IFNA6: variants seen among roughly 807,000 people sequenced by gnomAD.
IFNA6 encodes the protein interferon alpha 6, also known as interferon alpha-6.
For missense variants in IFNA6, 235 were observed against 212.4 expected (o/e 1.11, Z -0.66); for synonymous variants, 96 against 79.2 (o/e 1.21, Z -1.13).
chr9:21,350,501 C>A (rs771878044), exon 1 of IFNA6: 1 of 1,613,914 alleles, frequency 6.2e-7, no homozygotes, highest in African/African-American at 1.3e-5. Flanking sequence ...GAGTCCCTCC[C>A]ACCCACACCT....
Position 21,350,804 on chromosome 9 carries a change from C to T in IFNA6, c.84G>A (p.Gln28=), listed in dbSNP as rs114283047. 1,048 of 1,613,934 alleles carry T rather than the reference C, an allele frequency of 6.5e-4. 10 individuals carry two copies. In the African/African-American group the frequency reaches 0.013, roughly 19 times the overall value. ...TCCTCCTGTGACCCAGGCTGTGGGT[C>T]TGAGGCAGATCACAGTCCAGAGAGC... is the stretch of plus-strand genomic sequence containing the variant. Residue 28 remains glutamine, a synonymous_variant, in exon 1 of 1, where the codon CAG becomes CAA. Coordinates refer to ENST00000380210, the Ensembl canonical transcript of IFNA6.
chr9:21,350,700 T>C, exon 1 of IFNA6: 1 of 1,614,036 alleles, frequency 6.2e-7, no homozygotes, highest in Non-Finnish European at 8.5e-7. Flanking sequence ...AAACTCCTCC[T>C]GGGGAAATCT....
exon 1 of IFNA6, chr9:21,350,509 C>A (rs2133043256): frequency 6.2e-7 from 1 of 1,614,048 alleles, no homozygotes; most frequent in Non-Finnish European, 8.5e-7. Flanking sequence ...CCCACCCACA[C>A]CTCCTGCATC....
At position 21,350,682 on chromosome 9, in the gene IFNA6, T is replaced by C. The variant is rs1252440597; in HGVS notation, c.206A>G (p.Asn69Ser). 1.2e-6 allele frequency: 2 copies of C among 1,613,892 alleles called. No homozygotes were observed. Among genetic ancestry groups the C allele is most frequent in the Admixed American group, 1.7e-5 (1 of 59,948 alleles). The change falls in exon 1 of 1, where the codon AAC becomes AGC. Residue 69 changes from asparagine to serine, a missense_variant. Coordinates refer to ENST00000380210, the Ensembl canonical transcript of IFNA6. Reference sequence around the variant, plus strand: ...GATGGCTTCAGCCTTCTGGAACTGGTTGCCATCAAACTCCTCCTGGGGAAA... The same window carrying C: ...GATGGCTTCAGCCTTCTGGAACTGGCTGCCATCAAACTCCTCCTGGGGAAA...
exon 1 of IFNA6, chr9:21,350,825 A>G (rs1820444536): frequency 6.2e-7 from 1 of 1,613,964 alleles, no homozygotes; most frequent in Non-Finnish European, 8.5e-7. Context: ...CACAGTCCAG[A>G]GAGCAGCTTG....
exon 1 of IFNA6, chr9:21,350,468 G>A (rs1448130700): frequency 6.2e-7 from 1 of 1,614,042 alleles, no homozygotes; most frequent in African/African-American, 1.3e-5. Context: ...TCACAGCCAG[G>A]ATGGAGTCCT....
exon 1 of IFNA6, chr9:21,350,819 G>A (rs773621151): frequency 6.2e-7 from 1 of 1,613,862 alleles, no homozygotes; most frequent in African/African-American, 1.3e-5. Context: ...GCAGATCACA[G>A]TCCAGAGAGC....
Position 21,350,635 on chromosome 9 carries a change from G to T in IFNA6, c.253C>A (p.Gln85Lys), listed in dbSNP as rs112773436. ...GTGCTGAAGAGGTTGAAGGTCTGCT[G>T]AATCACCTCATGGAGGACAGAGATG... is the stretch of plus-strand genomic sequence containing the variant. Residue 85 changes from glutamine (Q) to lysine (K), a missense_variant, in exon 1 of 1, where the codon CAG (glutamine) becomes AAG (lysine). By Grantham distance (53) the Gln-to-Lys change is moderately conservative (BLOSUM62 1). Transcript: ENST00000380210. 1 of 1,614,014 alleles carries T rather than the reference G, an allele frequency of 6.2e-7. No individual in the cohort carries two copies. The highest frequency in any genetic ancestry group is 8.5e-7 in the Non-Finnish European group (1 of 1,179,946).
exon 1 of IFNA6, chr9:21,350,401 C>A (rs747286229): frequency 1.9e-6 from 3 of 1,613,970 alleles, no homozygotes; most frequent in Non-Finnish European, 2.5e-6. Context: ...ACCTCCCAGG[C>A]ACAAGGGCTG....
chr9:21,350,504 C>G, exon 1 of IFNA6: 6 of 1,614,000 alleles, frequency 3.7e-6, no homozygotes, highest in Non-Finnish European at 5.1e-6. Flanking sequence ...TCCCTCCCAC[C>G]CACACCTCCT....
In IFNA6 at chr9:21,350,626, A is replaced by G. The variant is rs369385528; in HGVS notation, c.262T>C (p.Phe88Leu). 5.6e-6 allele frequency: 9 copies of G among 1,613,878 alleles called. No individual in the cohort carries two copies. In the African/African-American group the frequency reaches 1.2e-4, roughly 22 times the overall value. ...GAGTCCTTTGTGCTGAAGAGGTTGA[A>G]GGTCTGCTGAATCACCTCATGGAGG... Residue 88 changes from phenylalanine (F) to leucine (L), a missense_variant, in exon 1 of 1, where the codon TTC (phenylalanine) becomes CTC (leucine). Physicochemically the swap from Phe to Leu is conservative, Grantham distance 22 (BLOSUM62 0). Transcript: ENST00000380210.
chr9:21,350,542 G>A lies in IFNA6; in HGVS notation c.346C>T (p.Leu116=), dbSNP rs531897763. The A allele has an allele frequency of 4.1e-5, 66 of 1,613,992 alleles. 1 individual carries two copies. The South Asian group carries it at 6.6e-4, about 16-fold the overall frequency. The change falls in exon 1 of 1, where the codon CTG becomes TTG. Residue 116 remains leucine, a synonymous_variant. Transcript: ENST00000380210. ...ATCACACAGGCTTCCAGGTCATTCA[G>A]CTGCTGGTAAAGTTCAGTATAGAGT...
exon 1 of IFNA6, chr9:21,350,798 G>A (rs1820443674): frequency 6.2e-7 from 1 of 1,613,978 alleles, no homozygotes. Context: ...GACCCAGGCT[G>A]TGGGTCTGAG....
chr9:21,350,687 A>T, exon 1 of IFNA6: 1 of 1,614,044 alleles, frequency 6.2e-7, no homozygotes, highest in Non-Finnish European at 8.5e-7. Flanking sequence ...ACTGGTTGCC[A>T]TCAAACTCCT....
At chr9:21,350,559 G>A in exon 1 of IFNA6, 1 of 1,614,002 alleles carries the variant, frequency 6.2e-7, no homozygotes, top group Non-Finnish European at 8.5e-7. Context: ...GTAAAGTTCA[G>A]TATAGAGTTT....
chr9:21,350,694 T>C (rs778632414), exon 1 of IFNA6: 4 of 1,613,990 alleles, frequency 2.5e-6, no homozygotes, highest in South Asian at 1.1e-5. Context: ...GCCATCAAAC[T>C]CCTCCTGGGG....
rs1166894195 is a variant in IFNA6, at chr9:21,350,865, A to G, written c.23T>C (p.Leu8Pro). 3 of 1,613,690 alleles carry G rather than the reference A, an allele frequency of 1.9e-6. No homozygotes were observed. In the African/African-American group the frequency reaches 4.0e-5, roughly 22 times the overall value. The change falls in exon 1 of 1, where the codon CTG becomes CCG. Residue 8 changes from leucine to proline, a missense_variant. By Grantham distance (98) the Leu-to-Pro change is moderately conservative. Coordinates refer to ENST00000380210, the Ensembl canonical transcript of IFNA6. ...GCAGCTGAGCACCACCAGGGCCATC[A>G]GTAAAGCAAAAGGCAAAGCCATTGT... is the stretch of plus-strand genomic sequence containing the variant.
exon 1 of IFNA6, chr9:21,350,775 A>G (rs1176029643): frequency 6.2e-7 from 1 of 1,613,974 alleles, no homozygotes. Context: ...CAGGAGCATC[A>G]TGGTCCTCCT....
exon 1 of IFNA6, chr9:21,350,751 C>G: frequency 2.5e-6 from 4 of 1,614,040 alleles, no homozygotes; most frequent in Non-Finnish European, 3.4e-6. Flanking sequence ...AAGAGAGATT[C>G]TCCTCATTTG....
Sources: allele counts gnomAD v4.1 joint callset, GRCh38; gene constraint gnomAD v4.1.1; transcripts MANE v1.5; gene names NCBI Gene and HGNC (gene_info 2026-07-23, HGNC 2026-07-21).